KIFAP3: variants seen among roughly 807,000 people sequenced by gnomAD.
The protein encoded by KIFAP3 is kinesin-associated protein 3.
A neutral mutation model predicts 106.5 loss-of-function variants in KIFAP3; 68 were observed. The ratio of observed to expected loss-of-function variants is 0.64; its 90% CI spans 0.53 to 0.78. KIFAP3 has a LOEUF of 0.78. Among genes scored for constraint, KIFAP3 ranks in the 30% least tolerant of loss-of-function variants. The pLI, the probability that KIFAP3 is intolerant of heterozygous loss-of-function variation, is 0.00. For missense variants in KIFAP3, 780 were observed against 941.8 expected, an observed-to-expected ratio of 0.83 and a Z score of 2.25; for synonymous variants, 320 against 311.5, an observed-to-expected ratio of 1.03 and a Z score of -0.29.
chr1:170,010,762 T>C (rs1668203002), intron 10 of KIFAP3, among the ~76,000 whole-genome samples: 1 of 152,004 alleles, frequency 6.6e-6, no homozygotes, highest in Admixed American at 6.6e-5. Context: ...TAATCTATCA[T>C]TAAATATAAA....
intron 17 of KIFAP3, among the ~76,000 whole-genome samples, chr1:169,967,797 A>G (rs77586770): frequency 0.016 from 2,463 of 151,878 alleles, 47 homozygotes; most frequent in South Asian, 0.082. Context: ...TTAAATGAAA[A>G]CCCAATGTCA....
chr1:170,013,633 T>C (rs1255759919), intron 10 of KIFAP3, among the ~76,000 whole-genome samples: 2 of 152,084 alleles, frequency 1.3e-5, no homozygotes, highest in African/African-American at 2.4e-5. Context: ...AATACCACAG[T>C]TGCCAGATGG....
At chr1:169,942,908 A>ACC (rs1384389570) in intron 19 of KIFAP3, among the ~76,000 whole-genome samples, 7 of 26,850 alleles carry the variant, frequency 2.6e-4, no homozygotes, top group East Asian at 2.3e-3. Context: ...AGTTTTAAAG[A>ACC]CGCCCCCCCC....
At chr1:169,969,001 C>A (rs746286165) in intron 17 of KIFAP3, among the ~76,000 whole-genome samples, 2 of 151,882 alleles carry the variant, frequency 1.3e-5, no homozygotes, top group African/African-American at 2.4e-5. Context: ...AAATTTATCT[C>A]ATTAAACCCA....
At chr1:170,010,231 T>C (rs1668176853) in intron 10 of KIFAP3, among the ~76,000 whole-genome samples, 1 of 151,932 alleles carries the variant, frequency 6.6e-6, no homozygotes, top group Admixed American at 6.6e-5. Flanking sequence ...ATATATAAGG[T>C]TTTCCATGGA....
chr1:169,953,888 A>G (rs1664866989), intron 19 of KIFAP3, 123 bp downstream of exon 19: 1 of 713,364 alleles, frequency 1.4e-6, no homozygotes. Flanking sequence ...CATGCCCTTG[A>G]AAAGATTGAG....
At chr1:170,003,150 T>C (rs1433490287) in intron 10 of KIFAP3, among the ~76,000 whole-genome samples, 2 of 152,188 alleles carry the variant, frequency 1.3e-5, no homozygotes, top group Non-Finnish European at 2.9e-5. Context: ...ATTTTTATTA[T>C]TACATTCAGC....
chr1:170,016,896 C>G (rs897126216), intron 9 of KIFAP3, among the ~76,000 whole-genome samples: 1 of 152,146 alleles, frequency 6.6e-6, no homozygotes, highest in African/African-American at 2.4e-5. Flanking sequence ...CATTATTGAA[C>G]ACCACCTACT....
intron 1 of KIFAP3, among the ~76,000 whole-genome samples, chr1:170,069,545 T>A (rs555660971): frequency 2.0e-5 from 3 of 151,848 alleles, no homozygotes; most frequent in Non-Finnish European, 4.4e-5. Flanking sequence ...ACCACATTAA[T>A]GGAATGAAGA....
chr1:169,995,489 T>C (rs1401555360), intron 10 of KIFAP3, among the ~76,000 whole-genome samples: 3 of 152,126 alleles, frequency 2.0e-5, no homozygotes, highest in Non-Finnish European at 4.4e-5. Flanking sequence ...TAAAAAATAT[T>C]TGAAGATATT....
At chr1:170,071,306 C>A (rs1298996654) in intron 1 of KIFAP3, among the ~76,000 whole-genome samples, 1 of 152,108 alleles carries the variant, frequency 6.6e-6, no homozygotes, top group African/African-American at 2.4e-5. Flanking sequence ...AGCTTTATTC[C>A]CAATAGCCAA....
At chr1:170,024,332 G>A in intron 9 of KIFAP3, 86 bp downstream of exon 9, 1 of 756,002 alleles carries the variant, frequency 1.3e-6, no homozygotes, top group Non-Finnish European at 2.1e-6. Flanking sequence ...TCTCGGTAGG[G>A]GAATAAAGTG....
intron 3 of KIFAP3, among the ~76,000 whole-genome samples, chr1:170,045,175 G>T (rs769010365): frequency 6.6e-6 from 1 of 152,102 alleles, no homozygotes; most frequent in African/African-American, 2.4e-5. Context: ...ACTTTACAGA[G>T]CCAATAAAAG....
chr1:169,966,722 AAATATTT>A (rs1270287289), intron 17 of KIFAP3, among the ~76,000 whole-genome samples: 1 of 1,032 alleles, frequency 9.7e-4, no homozygotes, highest in African/African-American at 6.8e-3. Flanking sequence ...GATAACTGGA[AAATATTT>A]TAAAATATGT....
intron 11 of KIFAP3, among the ~76,000 whole-genome samples, chr1:169,986,294 A>T (rs1372627728): frequency 6.6e-6 from 1 of 151,958 alleles, no homozygotes; most frequent in Admixed American, 6.6e-5. Flanking sequence ...GAAAACCAAA[A>T]TTAAATTTGG....
chr1:170,080,389 T>A (rs1029900382), intron 1 of KIFAP3, among the ~76,000 whole-genome samples: 1 of 151,350 alleles, frequency 6.6e-6, no homozygotes, highest in Non-Finnish European at 1.5e-5. Flanking sequence ...ATACTAGCAA[T>A]TTTTTTTTAC....
chr1:169,982,157 AG>A, intron 14 of KIFAP3, 60 bp from the exon 15 acceptor site: 2 of 1,536,906 alleles, frequency 1.3e-6, no homozygotes, highest in African/African-American at 1.4e-5. Context: ...ATTCATTTAG[AG>A]TATCAAAATG....
At chr1:170,074,813 C>T, upstream of KIFAP3, 1 of 1,137,442 alleles carries the variant, frequency 8.8e-7, no homozygotes, top group Non-Finnish European at 1.1e-6. Flanking sequence ...AGTTTTGGTG[C>T]AGTTTTGAGC....
Position 170,047,358 on chromosome 1 carries a change from C to T in KIFAP3, c.165-492G>A, listed in dbSNP as rs556048710. The stretch of plus-strand genomic sequence containing the variant: ...AGATCTGGCCGGGCACGGTGGTTCA[C>T]GCCTGTAATTCCAGCACTTTGGGAG... On this transcript the variant is annotated intron_variant, in intron 2 of 19. Transcript: ENST00000361580. Among the ~76,000 whole-genome samples the T allele has an allele frequency of 9.9e-5, 15 of 151,830 alleles. 1 individual carries two copies. Among genetic ancestry groups the T allele is most frequent in the South Asian group, 4.2e-4 (2 of 4,800 alleles).
Sources: gnomAD v4.1 joint callset for allele counts (sites outside exome capture counted in the v4.1 genomes callset) on GRCh38, gnomAD v4.1.1 for gene constraint, MANE v1.5 for transcripts, NCBI Gene and HGNC (gene_info 2026-07-23, HGNC 2026-07-21) for gene names.